NECAB3: variants seen among roughly 807,000 people sequenced by gnomAD.
The protein encoded by NECAB3 is N-terminal EF-hand calcium binding protein 3.
A neutral mutation model predicts 57.2 loss-of-function variants in NECAB3; 38 were observed. The observed-to-expected ratio is 0.66, with a 90% CI of 0.51 to 0.87. The LOEUF is 0.87. Among genes scored for constraint, NECAB3 ranks in the 40% least tolerant of loss-of-function variants. The pLI, the probability that NECAB3 is intolerant of heterozygous loss-of-function variation, is 0.00. For missense variants in NECAB3, 474 were observed against 527.5 expected, an observed-to-expected ratio of 0.90 and a Z score of 0.99; for synonymous variants, 223 against 222.6, an observed-to-expected ratio of 1.00 and a Z score of -0.02.
In NECAB3 at chr20:33,657,740, T is replaced by C. The variant is rs13037669; in HGVS notation, c.*89A>G. On this transcript the variant is annotated 3_prime_UTR_variant, in exon 12 of 12. Transcript: ENST00000246190. ...AGGCCCAAGTCCAGGAGGAGACAAG[T>C]CCTGGTCTTTGCGCTGGGCTGGCCA... The C allele has an allele frequency of 1, 1,375,157 of 1,378,500 alleles. 685,912 individuals carry two copies. Among genetic ancestry groups the C allele is most frequent in the Middle Eastern group, 1 (3,800 of 3,800 alleles). 85.4% of individuals were successfully genotyped at this position (1,378,500 alleles called of 1,614,324 possible).
At chr20:33,667,164 G>A (rs543935253) in intron 5 of NECAB3, 189 of 236,176 alleles carry the variant, frequency 8.0e-4, no homozygotes, top group African/African-American at 4.0e-3. Flanking sequence ...ACCAGGGCTC[G>A]GGCTTCACCA....
At chr20:33,668,343 A>G in intron 5 of NECAB3, 1 of 1,471,436 alleles carries the variant, frequency 6.8e-7, no homozygotes, top group Non-Finnish European at 9.1e-7. Flanking sequence ...AGCTGACTGG[A>G]TGGGTCACCC....
At chr20:33,667,554 C>T (rs1272721862) in intron 5 of NECAB3, 4 of 1,553,210 alleles carry the variant, frequency 2.6e-6, no homozygotes, top group Non-Finnish European at 3.5e-6. Context: ...GCGGGCTGGC[C>T]GTGGAGGCGG....
intron 5 of NECAB3, chr20:33,662,195 G>T: frequency 2.9e-6 from 3 of 1,019,210 alleles, no homozygotes; most frequent in Non-Finnish European, 4.2e-6. Flanking sequence ...AAGTGACTGA[G>T]TGGAGCCCAG....
Position 33,658,717 on chromosome 20 carries a change from C to A in NECAB3, c.992+5G>T, listed in dbSNP as rs755499057. 6.2e-7 allele frequency: 1 copy of A among 1,613,336 alleles called. No homozygotes were observed. Among genetic ancestry groups the A allele is most frequent in the Non-Finnish European group, 8.5e-7 (1 of 1,179,568 alleles). On this transcript the variant is annotated splice_donor_5th_base_variant and intron_variant, in intron 9 of 11. Coordinates refer to ENST00000246190, the MANE Select transcript of NECAB3 (RefSeq NM_031232.4). Reference sequence around the variant, plus strand: ...GGCCATCCCACCTGCCAGCTGGGGACTCACTGCAGACAATGGCTCTGGGCC... The same window carrying A: ...GGCCATCCCACCTGCCAGCTGGGGAATCACTGCAGACAATGGCTCTGGGCC...
Position 33,660,598 on chromosome 20 carries a change from G to C in NECAB3, c.388-203C>G, listed in dbSNP as rs956572621. Among the ~76,000 whole-genome samples, 3 of 152,150 alleles carry C rather than the reference G, an allele frequency of 2.0e-5. No individual in the cohort carries two copies. The highest frequency in any genetic ancestry group is 4.4e-5 in the Non-Finnish European group (3 of 68,032). On this transcript the variant is annotated intron_variant, in intron 5 of 11. Coordinates refer to ENST00000246190, the MANE Select transcript of NECAB3 (RefSeq NM_031232.4). The surrounding 1 kb of genome is among the most constrained non-coding windows in gnomAD (Gnocchi z 4.1). ...TTGTCCGGGACTGGCCTCCCTCCCCGGAGGTGTGAGGCCAACTCACAGGGG... is the reference window on the plus strand; with the variant it reads ...TTGTCCGGGACTGGCCTCCCTCCCCCGAGGTGTGAGGCCAACTCACAGGGG...
intron 5 of NECAB3, chr20:33,663,335 C>A (rs2017541145): frequency 6.8e-6 from 4 of 588,226 alleles, no homozygotes; most frequent in Admixed American, 6.9e-5. Context: ...CGGGGCGCCA[C>A]GCAGGGAAGG....
chr20:33,669,496 G>A, intron 4 of NECAB3, 24 bp from the exon 5 acceptor site: 1 of 1,612,670 alleles, frequency 6.2e-7, no homozygotes, highest in South Asian at 1.1e-5. Flanking sequence ...AGGTGCTCAA[G>A]GGTTCCTGGA....
In NECAB3 at chr20:33,669,715, G is replaced by T. The variant is rs1344089564; in HGVS notation, c.264-3C>A. ...ACAGTTTTTCTGTTTCTAAATTGCT[G>T]CAGGGAAAAGAGAAGGCGCCCTTCA... On this transcript the variant is annotated splice_polypyrimidine_tract_variant and splice_region_variant and intron_variant, in intron 3 of 11. Coordinates refer to ENST00000246190, the MANE Select transcript of NECAB3 (RefSeq NM_031232.4). The T allele has an allele frequency of 6.3e-7, 1 of 1,593,312 alleles. No homozygotes were observed. The highest frequency in any genetic ancestry group is 2.3e-5 in the East Asian group (1 of 44,306).
At chr20:33,669,836 C>T in intron 3 of NECAB3, 124 bp from the exon 4 acceptor site, 1 of 1,050,558 alleles carries the variant, frequency 9.5e-7, no homozygotes. Flanking sequence ...TTCTGCTCCA[C>T]CCCAGATTAA....
chr20:33,663,764 G>A, intron 5 of NECAB3: 2 of 1,452,798 alleles, frequency 1.4e-6, no homozygotes, highest in Non-Finnish European at 1.8e-6. Flanking sequence ...AGCTGGCCGC[G>A]GCTGCTCTCG....
chr20:33,668,007 A>T, intron 5 of NECAB3: 1 of 1,543,708 alleles, frequency 6.5e-7, no homozygotes, highest in East Asian at 2.4e-5. Flanking sequence ...GCGGCTCCAC[A>T]CTGTTTCCTG....
Position 33,658,520 on chromosome 20 carries a change from A to G in NECAB3, c.1027T>C (p.Phe343Leu). Residue 343 changes from phenylalanine (F) to leucine (L), a missense_variant, in exon 10 of 12, where the codon TTC becomes CTC. By Grantham distance (22) the Phe-to-Leu change is conservative. Transcript: ENST00000246190. Reference protein sequence around the residue: ...SAQKMLDGASFTLYEFWQDEA... With the variant: ...SAQKMLDGASLTLYEFWQDEA... ...TCCTGCCAGAACTCATACAGGGTGA[A>G]GGAGGCACCGTCCAGCATCTTCTGG... 6.2e-7 allele frequency: 1 copy of G among 1,613,972 alleles called. No individual in the cohort carries two copies. Among genetic ancestry groups the G allele is most frequent in the Non-Finnish European group, 8.5e-7 (1 of 1,179,966 alleles).
chr20:33,667,487 C>A lies in NECAB3; in HGVS notation c.387+1888G>T, dbSNP rs942251954. 5 of 1,476,108 alleles carry A rather than the reference C, an allele frequency of 3.4e-6. No homozygotes were observed. The African/African-American group carries it at 5.7e-5, about 17-fold the overall frequency. 91.4% of individuals were successfully genotyped at this position (1,476,108 alleles called of 1,614,324 possible). On this transcript the variant is annotated intron_variant, in intron 5 of 11. Coordinates refer to ENST00000246190, the MANE Select transcript of NECAB3 (RefSeq NM_031232.4). ...CTGCTGTTCGAGACCCTGGCAGTGC[C>A]CGCGTGCCACATGGCTAGCACCGCG...
rs1454848144 is a variant in NECAB3 at position 33,658,856 on chromosome 20, C to T, written c.880-22G>A. ...TGTGCTGGTGGGAGAGGCAGCCGGT[C>T]AGCTGGTGCGGGGCCGGGCACAGGG... On this transcript the variant is annotated intron_variant, in intron 8 of 11. Coordinates refer to ENST00000246190, the MANE Select transcript of NECAB3 (RefSeq NM_031232.4). 1.9e-6 allele frequency: 3 copies of T among 1,594,048 alleles called. No individual in the cohort carries two copies. In the Admixed American group the frequency reaches 5.0e-5, roughly 27 times the overall value.
intron 5 of NECAB3, chr20:33,662,717 A>G: frequency 4.2e-6 from 2 of 472,690 alleles, no homozygotes; most frequent in Non-Finnish European, 7.6e-6. Flanking sequence ...AGGTGGGTGG[A>G]TAACTTCAGC....
intron 5 of NECAB3, chr20:33,663,553 C>A: frequency 6.2e-7 from 1 of 1,611,112 alleles, no homozygotes; most frequent in Non-Finnish European, 8.5e-7. Flanking sequence ...GCTGATTCTC[C>A]CCCTGGACAA....
At chr20:33,668,254 G>T (rs1386327513) in intron 5 of NECAB3, 7 of 1,558,886 alleles carry the variant, frequency 4.5e-6, no homozygotes, top group Non-Finnish European at 6.1e-6. Flanking sequence ...GGACTGGGGG[G>T]GGTGGCACTG....
intron 5 of NECAB3, chr20:33,663,906 C>T (rs2017576734): frequency 7.3e-7 from 1 of 1,362,572 alleles, no homozygotes; most frequent in East Asian, 3.0e-5. Flanking sequence ...GAGTGCGTGG[C>T]AACCCTGGCG....
Sources: allele counts gnomAD v4.1 joint callset (sites outside exome capture counted in the v4.1 genomes callset), GRCh38; gene constraint gnomAD v4.1.1; non-coding constraint Gnocchi (gnomAD v3.1); transcripts MANE v1.5; gene names NCBI Gene and HGNC (gene_info 2026-07-23, HGNC 2026-07-21).